FAM193A: variants seen among roughly 807,000 people sequenced by gnomAD.
FAM193A encodes protein FAM193A.
Under a neutral mutation model 126.5 loss-of-function variants are expected in FAM193A, and 22 were observed. The observed-to-expected ratio is 0.17, with a 90% confidence interval of 0.12 to 0.25. FAM193A has a LOEUF of 0.25. FAM193A is among the 10% of genes least tolerant of loss of function. FAM193A has a pLI of 1.00. For synonymous variants in FAM193A, 761 were observed against 646.8 expected, an observed-to-expected ratio of 1.18 and a Z score of -2.68; for missense variants, 1,675 against 1,672.8, an observed-to-expected ratio of 1.00 and a Z score of -0.02.
intron 20 of FAM193A, among the ~76,000 whole-genome samples, chr4:2,725,404 C>G (rs192309926): frequency 2.2e-5 from 3 of 135,390 alleles, no homozygotes; most frequent in East Asian, 2.2e-4. Flanking sequence ...GAGCTGTGAT[C>G]GTACCACTGC....
chr4:2,611,688 T>C (rs1741884279), intron 2 of FAM193A, among the ~76,000 whole-genome samples: 2 of 152,212 alleles, frequency 1.3e-5, no homozygotes, highest in South Asian at 4.1e-4. Context: ...TTGAGTTGTC[T>C]TAATGAGTTG....
chr4:2,540,485 A>C (rs746386340), intron 1 of FAM193A, among the ~76,000 whole-genome samples: 26 of 150,950 alleles, frequency 1.7e-4, no homozygotes, highest in Non-Finnish European at 3.5e-4. Flanking sequence ...ACAAACAAAC[A>C]AACCCCAAAA....
chr4:2,698,286 G>C (rs1717272946), intron 18 of FAM193A, among the ~76,000 whole-genome samples: 3 of 152,224 alleles, frequency 2.0e-5, no homozygotes, highest in African/African-American at 7.2e-5. Flanking sequence ...CAAGGCACGT[G>C]TGCTGGATTT....
chr4:2,568,973 C>CTTTTT (rs753557878), intron 1 of FAM193A, among the ~76,000 whole-genome samples: 46 of 90,722 alleles, frequency 5.1e-4, no homozygotes, highest in African/African-American at 9.2e-4. Context: ...TGTTGTTTTG[C>CTTTTT]TTTTTTTTTT....
In FAM193A at chr4:2,616,518, G is replaced by C. The variant is rs147551250; in HGVS notation, c.502-8744G>C. ...CATACCATCTTGCATTTTTTCTCCT[G>C]TTTTTCCCATCTGTTATTTGTTACT... On this transcript the variant is annotated intron_variant, in intron 2 of 20. Coordinates refer to ENST00000637812, the MANE Select transcript of FAM193A (RefSeq NM_001366318.2). Among the ~76,000 whole-genome samples the C allele has an allele frequency of 8.0e-3, 1,217 of 151,310 alleles. 24 individuals are homozygous for C. Among genetic ancestry groups the C allele is most frequent in the Non-Finnish European group, 9.5e-3 (643 of 67,792 alleles).
chr4:2,545,989 A>G (rs1448811287), intron 1 of FAM193A, among the ~76,000 whole-genome samples: 1 of 152,108 alleles, frequency 6.6e-6, no homozygotes, highest in Admixed American at 6.6e-5. Flanking sequence ...CTCTACTAAA[A>G]ATACAAAAAT....
intron 1 of FAM193A, among the ~76,000 whole-genome samples, chr4:2,595,564 C>T (rs1740808006): frequency 6.6e-6 from 1 of 152,216 alleles, no homozygotes; most frequent in African/African-American, 2.4e-5. Flanking sequence ...AGCATCATTA[C>T]TGCTGGGCCT....
At chr4:2,653,031 A>G (rs897260578) in intron 7 of FAM193A, among the ~76,000 whole-genome samples, 1 of 152,214 alleles carries the variant, frequency 6.6e-6, no homozygotes, top group African/African-American at 2.4e-5. Flanking sequence ...TACGTAGCAT[A>G]ACATCCTGCC....
chr4:2,705,884 G>A (rs1190272475), intron 19 of FAM193A, among the ~76,000 whole-genome samples: 2 of 152,076 alleles, frequency 1.3e-5, no homozygotes, highest in Admixed American at 6.6e-5. Flanking sequence ...TACCATGCCC[G>A]GCCTTAGCAC....
At chr4:2,667,272 T>C (rs1217219203) in intron 12 of FAM193A, among the ~76,000 whole-genome samples, 1 of 152,202 alleles carries the variant, frequency 6.6e-6, no homozygotes, top group East Asian at 1.9e-4. Flanking sequence ...GAGTAGAGCC[T>C]TCCAAAGTCC....
At chr4:2,726,593 G>C (rs1034754268) in intron 20 of FAM193A, among the ~76,000 whole-genome samples, 6 of 151,004 alleles carry the variant, frequency 4.0e-5, no homozygotes, top group Admixed American at 2.6e-4. Context: ...TTTTAAAATT[G>C]CTGCTTCCTA....
At chr4:2,709,447 C>G (rs1446642580) in intron 19 of FAM193A, among the ~76,000 whole-genome samples, 1 of 152,118 alleles carries the variant, frequency 6.6e-6, no homozygotes, top group Non-Finnish European at 1.5e-5. Flanking sequence ...GTGGCTCATG[C>G]CTATAATCCC....
chr4:2,633,720 C>T (rs761292065), intron 5 of FAM193A, among the ~76,000 whole-genome samples: 5 of 151,792 alleles, frequency 3.3e-5, no homozygotes, highest in Admixed American at 6.6e-5. Flanking sequence ...GATGAAACCC[C>T]GTCTCTACTA....
At chr4:2,639,967 A>G in intron 6 of FAM193A, 108 bp downstream of exon 6, 1 of 1,092,146 alleles carries the variant, frequency 9.2e-7, no homozygotes, top group Non-Finnish European at 1.3e-6. Context: ...TTCTTGCAGG[A>G]AAAATAACAG....
chr4:2,550,377 A>T (rs942437433), intron 1 of FAM193A, among the ~76,000 whole-genome samples: 3 of 150,814 alleles, frequency 2.0e-5, no homozygotes, highest in African/African-American at 7.3e-5. Flanking sequence ...GACATTATTG[A>T]TTTTGGATAT....
chr4:2,695,515 A>G (rs527907714), intron 17 of FAM193A, among the ~76,000 whole-genome samples: 1 of 152,326 alleles, frequency 6.6e-6, no homozygotes, highest in South Asian at 2.1e-4. Flanking sequence ...CCATCTTTCC[A>G]GAGCTGTGAT....
At chr4:2,555,974 G>A (rs115287283) in intron 1 of FAM193A, among the ~76,000 whole-genome samples, 1 of 150,772 alleles carries the variant, frequency 6.6e-6, no homozygotes, top group Non-Finnish European at 1.5e-5. Context: ...GCCTGATCTC[G>A]GCTCCCTGAA....
intron 1 of FAM193A, among the ~76,000 whole-genome samples, chr4:2,556,148 G>C (rs1738245886): frequency 6.6e-6 from 1 of 152,044 alleles, no homozygotes. Flanking sequence ...CGTCCGCCTT[G>C]GCCTCCCAAA....
At chr4:2,633,425 A>G (rs970376454) in intron 5 of FAM193A, among the ~76,000 whole-genome samples, 2 of 152,006 alleles carry the variant, frequency 1.3e-5, no homozygotes, top group African/African-American at 4.8e-5. Context: ...AAAATAAAAA[A>G]GAAATAATTT....
Sources: allele counts gnomAD v4.1 joint callset (sites outside exome capture counted in the v4.1 genomes callset), GRCh38; gene constraint gnomAD v4.1.1; transcripts MANE v1.5; gene names NCBI Gene and HGNC (gene_info 2026-07-23, HGNC 2026-07-21).